Variants in LPA observed in about 807,000 individuals in gnomAD.
LPA encodes the protein apolipoprotein(a).
Under a neutral mutation model 197.9 loss-of-function variants are expected in LPA, and 199 were observed. The ratio of observed to expected loss-of-function variants is 1.01; its 90% CI spans 0.90 to 1.13. The LOEUF is 1.13. Ranked by LOEUF, LPA falls within the 50% of genes most tolerant of loss-of-function variation. The pLI is 0.00. For missense variants in LPA, 1,853 were observed against 1,785.8 expected (o/e 1.04, Z -0.68); for synonymous variants, 715 against 639.5 (o/e 1.12, Z -1.78).
At chr6:160,568,122 C>A (rs190172273) in intron 28 of LPA, among the ~76,000 whole-genome samples, 90 of 152,292 alleles carry the variant, frequency 5.9e-4, no homozygotes, top group South Asian at 1.2e-3. Flanking sequence ...AGAGGGAATC[C>A]TCCCTAACTC....
At chr6:160,662,515 C>T (rs532969636) in intron 1 of LPA, among the ~76,000 whole-genome samples, 1 of 152,310 alleles carries the variant, frequency 6.6e-6, no homozygotes, top group East Asian at 1.9e-4. Context: ...ATGTGCCCCC[C>T]AGGTCGATTA....
At chr6:160,608,070 T>A (rs1421104146) in intron 16 of LPA, among the ~76,000 whole-genome samples, 2 of 152,222 alleles carry the variant, frequency 1.3e-5, no homozygotes, top group Non-Finnish European at 2.9e-5. Context: ...ATTGCTATCA[T>A]TTTGTTTCCA....
chr6:160,634,542 A>G (rs1316620544), intron 7 of LPA, among the ~76,000 whole-genome samples: 11 of 141,994 alleles, frequency 7.7e-5, no homozygotes, highest in African/African-American at 2.9e-4. Flanking sequence ...TAGACCCCTC[A>G]CAGGTACAAG....
chr6:160,592,112 C>A (rs1779041487), intron 22 of LPA, among the ~76,000 whole-genome samples: 1 of 152,138 alleles, frequency 6.6e-6, no homozygotes. Context: ...TAACTTCTGT[C>A]ACATTATCTT....
chr6:160,593,790 A>G (rs1417776370), intron 22 of LPA, among the ~76,000 whole-genome samples, 168 bp downstream of exon 22: 2 of 152,158 alleles, frequency 1.3e-5, no homozygotes, highest in Non-Finnish European at 2.9e-5. Flanking sequence ...CTGGCCTGAC[A>G]TTTCTCTCCT....
intron 2 of LPA, among the ~76,000 whole-genome samples, chr6:160,649,379 G>A (rs970851789): frequency 2.0e-5 from 3 of 152,150 alleles, no homozygotes; most frequent in Non-Finnish European, 2.9e-5. Context: ...GCAGCTTCAT[G>A]TTTAGCCAAT....
intron 1 of LPA, 150 bp downstream of exon 1, chr6:160,664,016 T>G (rs1039468007): frequency 3.6e-6 from 4 of 1,114,108 alleles, no homozygotes; most frequent in Non-Finnish European, 5.1e-6. Flanking sequence ...CTTATTTTTT[T>G]AAGAATTTTT....
intron 23 of LPA, 64 bp from the exon 24 acceptor site, chr6:160,589,776 A>AG: frequency 6.3e-7 from 1 of 1,585,042 alleles, no homozygotes; most frequent in East Asian, 2.2e-5. Flanking sequence ...TGAGAAAAAA[A>AG]ATCCATGATA....
intron 37 of LPA, 33 bp downstream of exon 37, chr6:160,537,822 A>G: frequency 6.3e-7 from 1 of 1,593,092 alleles, no homozygotes; most frequent in South Asian, 1.1e-5. Context: ...GGTCAAAAAC[A>G]ATTTGTTACG....
rs1583590589 is a variant in LPA at position 160,576,396 on chromosome 6, A to ATATACATATATATATATATATATATGTG, written c.4631+739_4631+740insCACATATATATATATATATATATGTATA. Among the ~76,000 whole-genome samples the ATATACATATATATATATATATATATGTG allele has an allele frequency of 2.2e-3, 103 of 46,834 alleles. 8 individuals are homozygous for ATATACATATATATATATATATATATGTG. In the East Asian group the frequency reaches 0.038, roughly 17 times the overall value. The allele number at this position is 46,834 out of a possible 152,430, so 30.7% of individuals were successfully genotyped here. A position where few individuals can be genotyped will look rare whatever the true frequency, so the allele number is the denominator to read the frequency against. On this transcript the variant is annotated intron_variant, in intron 28 of 38. Transcript: ENST00000316300. The stretch of plus-strand genomic sequence containing the variant: ...TATATATATATATATATATGTATAT[A>ATATACATATATATATATATATATATGTG]TATATATATATATATATATGGGTAT...
At chr6:160,538,702 T>G in intron 36 of LPA, among the ~76,000 whole-genome samples, 1 of 152,316 alleles carries the variant, frequency 6.6e-6, no homozygotes, top group South Asian at 2.1e-4. Flanking sequence ...CACTTTCTGC[T>G]TCTGGACACT....
intron 2 of LPA, among the ~76,000 whole-genome samples, chr6:160,650,044 G>T (rs1562352764): frequency 6.6e-6 from 1 of 152,180 alleles, no homozygotes; most frequent in Non-Finnish European, 1.5e-5. Context: ...AGATCACATT[G>T]ACCTTTAGTG....
intron 27 of LPA, among the ~76,000 whole-genome samples, chr6:160,577,730 T>G (rs968418125): frequency 1.3e-5 from 2 of 152,128 alleles, no homozygotes; most frequent in Non-Finnish European, 2.9e-5. Flanking sequence ...GGCTTAATCT[T>G]TTGAAAATTT....
chr6:160,556,047 T>C lies in LPA; in HGVS notation c.4951A>G (p.Thr1651Ala). ...TACTCATTTGGGTAGTTTTCTGGGGTCCTCTGATGCCGGTGTGGTGTCATG... is the reference window on the plus strand; with the variant it reads ...TACTCATTTGGGTAGTTTTCTGGGGCCCTCTGATGCCGGTGTGGTGTCATG... ...SSMTPHRHQR[T>A]PENYPNDGLT... is the part of the protein sequence containing the mutation. The change falls in exon 30 of 39, where the codon ACC becomes GCC. Residue 1651 changes from threonine to alanine, a missense_variant. Transcript: ENST00000316300. 1.9e-6 allele frequency: 3 copies of C among 1,611,894 alleles called. No homozygotes were observed. The highest frequency in any genetic ancestry group is 1.3e-5 in the African/African-American group (1 of 74,960).
chr6:160,565,737 A>G (rs888289148), intron 28 of LPA, among the ~76,000 whole-genome samples: 1 of 152,196 alleles, frequency 6.6e-6, no homozygotes, highest in Non-Finnish European at 1.5e-5. Flanking sequence ...TCTCCGAGCT[A>G]AAGAAGGATG....
chr6:160,597,805 T>G (rs1319290118), intron 20 of LPA, among the ~76,000 whole-genome samples: 1 of 152,230 alleles, frequency 6.6e-6, no homozygotes, highest in East Asian at 1.9e-4. Context: ...ATTTTCCTGG[T>G]TATGGTTCAC....
At chr6:160,649,423 C>T (rs41269878) in intron 2 of LPA, among the ~76,000 whole-genome samples, 14,015 of 152,264 alleles carry the variant, frequency 0.092, 815 homozygotes, top group Non-Finnish European at 0.14. Flanking sequence ...ATTTCTAGAA[C>T]TCCTTTCCTC....
chr6:160,540,385 A>G (rs751933515), intron 35 of LPA, among the ~76,000 whole-genome samples: 3 of 152,216 alleles, frequency 2.0e-5, no homozygotes, highest in African/African-American at 7.2e-5. Flanking sequence ...AGACTGTGAT[A>G]TAGTTTGTAT....
chr6:160,600,893 T>C, intron 19 of LPA, 24 bp downstream of exon 19: 1 of 1,611,532 alleles, frequency 6.2e-7, no homozygotes, highest in Admixed American at 1.7e-5. Context: ...TCCAAGCAGG[T>C]AAATGTCTGG....
Sources: gnomAD v4.1 joint callset for allele counts (sites outside exome capture counted in the v4.1 genomes callset) on GRCh38, gnomAD v4.1.1 for gene constraint, MANE v1.5 for transcripts, NCBI Gene and HGNC (gene_info 2026-07-23, HGNC 2026-07-21) for gene names.